LRCH2: variants seen among roughly 807,000 people sequenced by gnomAD.
The protein encoded by LRCH2 is leucine rich repeats and calponin homology domain containing 2, also known as leucine-rich repeat and calponin homology domain-containing protein 2.
In LRCH2, 38 loss-of-function variants were observed where a neutral mutation model predicts 68.9. The observed-to-expected ratio is 0.55, with a 90% CI of 0.43 to 0.72. The LOEUF is 0.72. LRCH2 is among the 30% of genes least tolerant of loss of function. The pLI is 0.00. For missense variants in LRCH2, 528 were observed against 572.9 expected, an observed-to-expected ratio of 0.92 and a Z score of 0.80; for synonymous variants, 191 against 208.1, an observed-to-expected ratio of 0.92 and a Z score of 0.71.
Position 115,111,087 on chromosome X carries a change from T to C in LRCH2, c.*2129A>G, listed in dbSNP as rs1397522380. ...AAAGAAATACATCAGAGCCTTGGTATAACATTGTAGGGGACCATGCTGTGA... is the reference window on the plus strand; with the variant it reads ...AAAGAAATACATCAGAGCCTTGGTACAACATTGTAGGGGACCATGCTGTGA... On this transcript the variant is annotated 3_prime_UTR_variant, in exon 21 of 21. Coordinates refer to ENST00000317135, the MANE Select transcript of LRCH2 (RefSeq NM_020871.4). 1 of 111,565 alleles carries C rather than the reference T, an allele frequency of 9.0e-6. No homozygotes were observed. Among genetic ancestry groups the C allele is most frequent in the Non-Finnish European group, 1.9e-5 (1 of 53,120 alleles). 9.2% of individuals were successfully genotyped at this position (111,565 alleles called of 1,213,427 possible). A position where few individuals can be genotyped will look rare whatever the true frequency, so the allele number is the denominator to read the frequency against.
At chrX:115,134,711 T>C (rs1445345314) in intron 14 of LRCH2, among the ~76,000 whole-genome samples, 1 of 111,733 alleles carries the variant, frequency 8.9e-6, no homozygotes, top group African/African-American at 3.3e-5. Flanking sequence ...TTACAATGAG[T>C]CTAGTCAACC....
In LRCH2 at chrX:115,190,045, C is replaced by T. The variant is rs918893623; in HGVS notation, c.350-1675G>A. The T allele has an allele frequency of 9.5e-6, 11 of 1,156,632 alleles. No homozygotes were observed. In the African/African-American group the frequency reaches 1.8e-4, roughly 19 times the overall value. ...CTTGCAGCCACGGCGCTGGGCCGGCCCACCCCACAAGAGGGCTGTGCCCCG... is the reference window on the plus strand; with the variant it reads ...CTTGCAGCCACGGCGCTGGGCCGGCTCACCCCACAAGAGGGCTGTGCCCCG... On this transcript the variant is annotated intron_variant, in intron 1 of 20. Coordinates refer to ENST00000317135, the MANE Select transcript of LRCH2 (RefSeq NM_020871.4).
At chrX:115,184,211 G>A (rs1039019584) in intron 3 of LRCH2, among the ~76,000 whole-genome samples, 200 bp downstream of exon 3, 2 of 112,021 alleles carry the variant, frequency 1.8e-5, no homozygotes, top group East Asian at 5.6e-4. Context: ...AAGGACTAAG[G>A]AAGAACCATG....
At chrX:115,129,107 A>G (rs914101850) in intron 15 of LRCH2, among the ~76,000 whole-genome samples, 1 of 112,078 alleles carries the variant, frequency 8.9e-6, no homozygotes, top group African/African-American at 3.2e-5. Flanking sequence ...CTAAGCAGGT[A>G]GGAAGATGGA....
At chrX:115,189,248 C>A (rs1279671274) in intron 1 of LRCH2, among the ~76,000 whole-genome samples, 1 of 112,405 alleles carries the variant, frequency 8.9e-6, no homozygotes, top group Non-Finnish European at 1.9e-5. Flanking sequence ...ATTTTCTATT[C>A]CTAGGATTTC....
At position 115,122,392 on chromosome X, in the gene LRCH2, C is replaced by T. The variant is rs1382341704; in HGVS notation, c.2178+135G>A. ...ATAACTGCTACAGTGAAAGCTGGAG[C>T]TTAGGAGAAGGTACCAAGAGAAGGC... On this transcript the variant is annotated intron_variant, in intron 20 of 20. Transcript: ENST00000317135. 5 of 471,049 alleles carry T rather than the reference C, an allele frequency of 1.1e-5. No homozygotes were observed. The East Asian group carries it at 1.5e-4, about 14-fold the overall frequency. The allele number at this position is 471,049 out of a possible 1,213,427, so 38.8% of individuals were successfully genotyped here. A position where few individuals can be genotyped will look rare whatever the true frequency, so the allele number is the denominator to read the frequency against.
rs782725941 is a variant in LRCH2 at position 115,184,504 on chromosome X, T to C, written c.528A>G (p.Leu176=). The C allele has an allele frequency of 9.3e-6, 11 of 1,184,324 alleles. No individual in the cohort carries two copies. Among genetic ancestry groups the C allele is most frequent in the East Asian group, 3.0e-5 (1 of 33,143 alleles). ...RNLLSTLPKY[L]FDLPLKVLVV... ...CCAAAACTTTAAGGGGAAGATCAAA[T>C]AGGTATTTTGGCAATGTTGATAAAA... The change falls in exon 3 of 21, where the codon CTA becomes CTG. Residue 176 remains leucine (L), a synonymous_variant. Coordinates refer to ENST00000317135, the MANE Select transcript of LRCH2 (RefSeq NM_020871.4).
At chrX:115,184,564 C>T (rs782575017) in intron 2 of LRCH2, 27 bp from the exon 3 acceptor site, 17 of 1,101,512 alleles carry the variant, frequency 1.5e-5, no homozygotes, top group East Asian at 3.2e-5. Flanking sequence ...AGTTTCATTA[C>T]GAGAATATGT....
chrX:115,182,831 CA>C (rs1164477909), intron 3 of LRCH2, among the ~76,000 whole-genome samples: 1,981 of 26,263 alleles, frequency 0.075, 18 homozygotes, highest in African/African-American at 0.2. Context: ...AACTTCGTCT[CA>C]AAAAAAAAAA....
intron 6 of LRCH2, among the ~76,000 whole-genome samples, chrX:115,167,679 G>A (rs782807546): frequency 9.0e-6 from 1 of 111,211 alleles, no homozygotes; most frequent in East Asian, 2.8e-4. Context: ...AAAAGTTAAC[G>A]TCCCAAGGGG....
In LRCH2 at chrX:115,188,307, G is replaced by A. The variant is rs1362271414; in HGVS notation, c.413C>T (p.Thr138Ile). The change falls in exon 2 of 21, where the codon ACA becomes ATA. Residue 138 changes from threonine (T) to isoleucine (I), a missense_variant. Coordinates refer to ENST00000317135, the MANE Select transcript of LRCH2 (RefSeq NM_020871.4). ...GATGCAATTATGATATAAATTTAAT[G>A]TTTCAAGGGGTGCAAATAACCAGAC... Reference protein sequence around the residue: ...SDVWLFAPLETLNLYHNCIKT... With the variant: ...SDVWLFAPLEILNLYHNCIKT... 3 of 1,186,594 alleles carry A rather than the reference G, an allele frequency of 2.5e-6. No individual in the cohort carries two copies. Among genetic ancestry groups the A allele is most frequent in the Non-Finnish European group, 3.4e-6 (3 of 881,351 alleles).
chrX:115,189,729 G>T (rs782213153), intron 1 of LRCH2: 1 of 1,166,769 alleles, frequency 8.6e-7, no homozygotes, highest in South Asian at 1.9e-5. Flanking sequence ...GATGGGTCCC[G>T]CCAACCCCCG....
rs1207239835 is a variant in LRCH2, at chrX:115,143,452, AG to A, written c.1695+6374del. On this transcript the variant is annotated intron_variant, in intron 14 of 20. Coordinates refer to ENST00000317135, the MANE Select transcript of LRCH2 (RefSeq NM_020871.4). ...TCATGAAGAAATCCAAAATGTGAAC[AG>A]GCCAATAACAAGTAATGAGATCAAA... Among the ~76,000 whole-genome samples, 3 of 111,662 alleles carry A rather than the reference AG, an allele frequency of 2.7e-5. No homozygotes were observed. In the East Asian group the frequency reaches 8.5e-4, roughly 32 times the overall value.
intron 12 of LRCH2, among the ~76,000 whole-genome samples, chrX:115,154,000 A>G (rs1292743344): frequency 8.9e-6 from 1 of 111,958 alleles, no homozygotes; most frequent in Non-Finnish European, 1.9e-5. Context: ...CCATATGCTA[A>G]CTATAAGAAA....
At chrX:115,176,894 G>A (rs2072653606) in intron 5 of LRCH2, among the ~76,000 whole-genome samples, 2 of 106,793 alleles carry the variant, frequency 1.9e-5, no homozygotes, top group South Asian at 4.2e-4. Flanking sequence ...CTACAGGCGC[G>A]TGCCACCACA....
intron 1 of LRCH2, among the ~76,000 whole-genome samples, chrX:115,204,845 G>C (rs146471121): frequency 1.3e-3 from 145 of 111,442 alleles, no homozygotes; most frequent in Non-Finnish European, 2.1e-3. Context: ...GTCTTCTTCT[G>C]AGCCCTCCAA....
chrX:115,174,039 T>C (rs781927059), intron 5 of LRCH2, among the ~76,000 whole-genome samples: 2 of 112,149 alleles, frequency 1.8e-5, no homozygotes, highest in South Asian at 7.5e-4. Context: ...CAGTAGGCTA[T>C]TAGCAGCTAA....
In LRCH2 at chrX:115,110,649, G is replaced by A. The variant is rs2072036103; in HGVS notation, c.*2567C>T. ...TTCAACTTTATCCACAGTTTGCATC[G>A]GTAATATACATTTAAGTGTTCCATT... On this transcript the variant is annotated 3_prime_UTR_variant, in exon 21 of 21. Transcript: ENST00000317135. The A allele has an allele frequency of 1.8e-5, 2 of 111,607 alleles. No homozygotes were observed. The highest frequency in any genetic ancestry group is 1.9e-5 in the Non-Finnish European group (1 of 53,031). The allele number at this position is 111,607 out of a possible 1,213,427, so 9.2% of individuals were successfully genotyped here. A position where few individuals can be genotyped will look rare whatever the true frequency, so the allele number is the denominator to read the frequency against.
intron 5 of LRCH2, among the ~76,000 whole-genome samples, chrX:115,175,226 C>T (rs782057806): frequency 2.7e-5 from 3 of 111,451 alleles, no homozygotes; most frequent in Admixed American, 9.5e-5. Context: ...CTTCTCCAGA[C>T]GCCCCTCCCC....
Sources: allele counts gnomAD v4.1 joint callset (sites outside exome capture counted in the v4.1 genomes callset), GRCh38; gene constraint gnomAD v4.1.1; transcripts MANE v1.5; gene names NCBI Gene and HGNC (gene_info 2026-07-23, HGNC 2026-07-21).